WDR59: variants seen among roughly 807,000 people sequenced by gnomAD.
WDR59 encodes the protein WD repeat domain 59.
Under a neutral mutation model 131.2 loss-of-function variants are expected in WDR59, and 100 were observed. That is an observed-to-expected ratio of 0.76 (90% CI 0.65 to 0.90). WDR59 has a LOEUF of 0.90. WDR59 is among the 40% of genes least tolerant of loss of function. The pLI is 0.00. For synonymous variants in WDR59, 601 were observed against 466.2 expected (o/e 1.29, Z -3.72); for missense variants, 1,203 against 1,262.2 (o/e 0.95, Z 0.71).
chr16:74,879,837 G>T (rs189173462), intron 25 of WDR59, among the ~76,000 whole-genome samples: 1 of 152,118 alleles, frequency 6.6e-6, no homozygotes, highest in East Asian at 1.9e-4. Flanking sequence ...CAGAACAATG[G>T]GTAAGTACCA....
At chr16:74,955,283 G>T (rs988454631) in intron 3 of WDR59, among the ~76,000 whole-genome samples, 3 of 152,122 alleles carry the variant, frequency 2.0e-5, no homozygotes, top group African/African-American at 7.2e-5. Context: ...AACAACAGGT[G>T]GGGAGCATAC....
chr16:74,945,463 C>T (rs555421713), intron 6 of WDR59, among the ~76,000 whole-genome samples: 16 of 151,256 alleles, frequency 1.1e-4, no homozygotes, highest in Admixed American at 2.0e-4. Flanking sequence ...GGCAACAGAG[C>T]GAGACTCTGT....
rs113122994 is a variant in WDR59, at chr16:74,893,474, G to A, written c.2000+205C>T. Among the ~76,000 whole-genome samples, 300 of 152,190 alleles carry A rather than the reference G, an allele frequency of 2.0e-3. 1 individual carries two copies. The highest frequency in any genetic ancestry group is 6.9e-3 in the African/African-American group (285 of 41,506). ...ACAGAAAAGCTGTGTCCAGACTCGC[G>A]ACCCACAAAAACTGGAAGATAAGAA... On this transcript the variant is annotated intron_variant, in intron 19 of 25. Coordinates refer to ENST00000262144, the MANE Select transcript of WDR59 (RefSeq NM_030581.4).
intron 1 of WDR59, among the ~76,000 whole-genome samples, chr16:74,980,195 G>T (rs897224859): frequency 2.0e-5 from 3 of 151,128 alleles, no homozygotes; most frequent in African/African-American, 7.3e-5. Flanking sequence ...ATTGATGCCA[G>T]GAAGCACTTC....
chr16:74,956,359 CCTCTTTTCCAAAT>C (rs2033288621), intron 3 of WDR59, 103 bp downstream of exon 3: 24 of 1,356,692 alleles, frequency 1.8e-5, no homozygotes, highest in Admixed American at 2.7e-5. Flanking sequence ...ACCATCCAAA[CCTCTTTTCCAAAT>C]GAGCAATGAG....
At position 74,916,085 on chromosome 16, in the gene WDR59, G is replaced by T. The variant is rs754329875; in HGVS notation, c.1099+42C>A. On this transcript the variant is annotated intron_variant, in intron 12 of 25. Coordinates refer to ENST00000262144, the MANE Select transcript of WDR59 (RefSeq NM_030581.4). Reference sequence around the variant, plus strand: ...GGTATCTGCCACAACTCTGCAATGCGTAGAGTGGCACCTTACCTGAGACAT... The same window carrying T: ...GGTATCTGCCACAACTCTGCAATGCTTAGAGTGGCACCTTACCTGAGACAT... The T allele has an allele frequency of 5.0e-6, 8 of 1,614,024 alleles. 1 individual carries two copies. The highest frequency in any genetic ancestry group is 1.6e-4 in the Middle Eastern group (1 of 6,084).
chr16:74,919,186 G>A (rs2029904049), intron 10 of WDR59, among the ~76,000 whole-genome samples: 1 of 152,066 alleles, frequency 6.6e-6, no homozygotes, highest in Non-Finnish European at 1.5e-5. Flanking sequence ...CAACAGAGAG[G>A]GCAGCAGCCT....
chr16:74,925,850 A>T (rs2030735260), intron 8 of WDR59, among the ~76,000 whole-genome samples: 1 of 152,038 alleles, frequency 6.6e-6, no homozygotes, highest in East Asian at 1.9e-4. Context: ...GCAACAAAGC[A>T]AGACCCTGTC....
In WDR59 at chr16:74,891,760, T is replaced by C. The variant is rs1022530970; in HGVS notation, c.2082+724A>G. 7.9e-5 allele frequency among the ~76,000 whole-genome samples: 12 copies of C among 152,262 alleles called. 1 individual carries two copies. Among genetic ancestry groups the C allele is most frequent in the East Asian group, 1.9e-4 (1 of 5,182 alleles). On this transcript the variant is annotated intron_variant, in intron 20 of 25. Coordinates refer to ENST00000262144, the MANE Select transcript of WDR59 (RefSeq NM_030581.4). ...CAACATGGTGAAACCCCATCTCTAC[T>C]AAAAAGTACAAAAATTAGCCGGGTT...
intron 23 of WDR59, among the ~76,000 whole-genome samples, chr16:74,887,411 T>C (rs147330178): frequency 1.4e-4 from 21 of 152,194 alleles, no homozygotes; most frequent in Non-Finnish European, 2.8e-4. Context: ...GGATAAGGGT[T>C]AGGTTTTGGG....
chr16:74,923,438 T>G (rs1309421226), intron 9 of WDR59, among the ~76,000 whole-genome samples: 1 of 152,168 alleles, frequency 6.6e-6, no homozygotes, highest in African/African-American at 2.4e-5. Flanking sequence ...GCAATTCTGA[T>G]GTAGATACTT....
chr16:74,960,860 T>C (rs1010643279), intron 2 of WDR59, among the ~76,000 whole-genome samples: 3 of 151,850 alleles, frequency 2.0e-5, no homozygotes, highest in Admixed American at 6.6e-5. Context: ...AGATACAGAT[T>C]TCCAGATTTG....
intron 1 of WDR59, among the ~76,000 whole-genome samples, chr16:74,977,136 A>G (rs2034217476): frequency 6.6e-6 from 1 of 152,126 alleles, no homozygotes; most frequent in African/African-American, 2.4e-5. Context: ...CTTGGGAGGC[A>G]GAACCAGGAG....
At chr16:74,886,197 G>C (rs1296336480) in intron 24 of WDR59, 73 bp downstream of exon 24, 13 of 1,042,474 alleles carry the variant, frequency 1.2e-5, no homozygotes, top group South Asian at 1.2e-4. Flanking sequence ...AAAAGTAAGA[G>C]TTGTGATTGT....
At chr16:74,909,300 A>AC (rs1228941733) in intron 16 of WDR59, among the ~76,000 whole-genome samples, 3 of 151,686 alleles carry the variant, frequency 2.0e-5, no homozygotes, top group African/African-American at 7.3e-5. Context: ...GAAAGTTAAG[A>AC]CCCCCATTCT....
chr16:74,893,819 G>T lies in WDR59; in HGVS notation c.1867-7C>A. The T allele has an allele frequency of 6.2e-7, 1 of 1,613,926 alleles. No homozygotes were observed. The highest frequency in any genetic ancestry group is 8.5e-7 in the Non-Finnish European group (1 of 1,179,882). ...TTTTCCATCGTCTTGATTTCTAGGG[G>T]TAGATGACAGGATGTAACTAATGGG... is the stretch of plus-strand genomic sequence containing the variant. On this transcript the variant is annotated splice_region_variant and splice_polypyrimidine_tract_variant and intron_variant, in intron 18 of 25. Transcript: ENST00000262144.
chr16:74,953,243 AG>A (rs1201847832), intron 3 of WDR59, among the ~76,000 whole-genome samples: 1 of 152,118 alleles, frequency 6.6e-6, no homozygotes, highest in African/African-American at 2.4e-5. Context: ...AAGCTGAGGC[AG>A]GGGGATCGCT....
chr16:74,893,959 G>C (rs1356591406), intron 18 of WDR59, 147 bp from the exon 19 acceptor site: 1 of 888,156 alleles, frequency 1.1e-6, no homozygotes, highest in East Asian at 2.5e-5. Context: ...GCATCTGTAG[G>C]AAATAAAAGG....
At position 74,942,829 on chromosome 16, in the gene WDR59, G is replaced by T; in HGVS notation, c.446-3C>A. On this transcript the variant is annotated splice_region_variant and splice_polypyrimidine_tract_variant and intron_variant, in intron 6 of 25. Transcript: ENST00000262144. ...CCATTTGACCTGGGAGGCACCCGCT[G>T]CAAAGAAAAATCAGGGAAGAAAGCT... is the stretch of plus-strand genomic sequence containing the variant. 6.2e-7 allele frequency: 1 copy of T among 1,612,908 alleles called. No homozygotes were observed.
Sources: gnomAD v4.1 joint callset for allele counts (sites outside exome capture counted in the v4.1 genomes callset) on GRCh38, gnomAD v4.1.1 for gene constraint, MANE v1.5 for transcripts, NCBI Gene and HGNC (gene_info 2026-07-23, HGNC 2026-07-21) for gene names.